Variants in PIP4K2B observed in about 807,000 individuals in gnomAD.
PIP4K2B encodes phosphatidylinositol-5-phosphate 4-kinase type 2 beta, also known as phosphatidylinositol 5-phosphate 4-kinase type-2 beta.
PIP4K2B carries 3 observed loss-of-function variants against 42.0 expected under a neutral mutation model. The observed-to-expected ratio is 0.07, with a 90% CI of 0.03 to 0.18. The LOEUF is 0.18. Ranked by LOEUF, PIP4K2B falls within the 10% of genes least tolerant of loss-of-function variation. PIP4K2B has a pLI of 1.00. For missense variants in PIP4K2B, 332 were observed against 562.3 expected (o/e 0.59, Z 4.14); for synonymous variants, 204 against 210.1 (o/e 0.97, Z 0.25).
intron 1 of PIP4K2B, among the ~76,000 whole-genome samples, chr17:38,797,352 T>C (rs1412457311): frequency 6.6e-6 from 1 of 152,104 alleles, no homozygotes; most frequent in East Asian, 1.9e-4. Flanking sequence ...GGACCTGACA[T>C]GCATAGGCGT....
In PIP4K2B at chr17:38,780,446, C is replaced by G; in HGVS notation, c.507+6G>C. 6.2e-7 allele frequency: 1 copy of G among 1,608,244 alleles called. No homozygotes were observed. Among genetic ancestry groups the G allele is most frequent in the Non-Finnish European group, 8.5e-7 (1 of 1,175,572 alleles). ...CTCTGCAGCCCAGGCTTGGGACTCA[C>G]CATACCTGGTGGTATTTCTTTAAGA... On this transcript the variant is annotated splice_donor_region_variant and intron_variant, in intron 4 of 9. Coordinates refer to ENST00000619039, the MANE Select transcript of PIP4K2B (RefSeq NM_003559.5).
chr17:38,771,004 T>A lies in PIP4K2B; in HGVS notation c.1066+10A>T. On this transcript the variant is annotated intron_variant, in intron 8 of 9. Transcript: ENST00000619039. ...AGGGCTGTGCAGAGCAGGCGCAGGC[T>A]CTGACTTACTTTCATGGCTTTTCAT... 6.2e-7 allele frequency: 1 copy of A among 1,614,050 alleles called. No individual in the cohort carries two copies.
intron 5 of PIP4K2B, 110 bp from the exon 6 acceptor site, chr17:38,778,482 AG>A: frequency 1.1e-6 from 1 of 908,798 alleles, no homozygotes; most frequent in South Asian, 1.3e-5. Flanking sequence ...AGAGTCCTAG[AG>A]GGGCCAGGAG....
intron 9 of PIP4K2B, 21 bp downstream of exon 9, chr17:38,770,415 A>G (rs1269975784): frequency 1.3e-6 from 2 of 1,505,300 alleles, no homozygotes; most frequent in Admixed American, 1.7e-5. Flanking sequence ...TGGGCCCTGG[A>G]TGAAGATGGA....
chr17:38,792,551 C>T (rs1272932498), intron 1 of PIP4K2B, among the ~76,000 whole-genome samples: 2 of 152,232 alleles, frequency 1.3e-5, no homozygotes, highest in Admixed American at 6.5e-5. Flanking sequence ...CAGAAGCCTC[C>T]ACTTCCCTGT....
intron 3 of PIP4K2B, among the ~76,000 whole-genome samples, chr17:38,781,827 T>C (rs228297): frequency 0.95 from 142,494 of 150,740 alleles, 67,394 homozygotes; most frequent in East Asian, 1. Flanking sequence ...TTTTTTTTTT[T>C]TTTTAAAGAT....
At chr17:38,791,495 C>A (rs914664657) in intron 1 of PIP4K2B, among the ~76,000 whole-genome samples, 49 of 145,170 alleles carry the variant, frequency 3.4e-4, no homozygotes, top group Non-Finnish European at 5.9e-5. Context: ...CCGCAACTTC[C>A]GCCTCCCGGG....
chr17:38,793,861 G>C (rs1370011187), intron 1 of PIP4K2B, among the ~76,000 whole-genome samples: 1 of 150,420 alleles, frequency 6.6e-6, no homozygotes, highest in Non-Finnish European at 1.5e-5. Flanking sequence ...AAGAGCGCGA[G>C]ACCCTGCCTC....
chr17:38,793,991 A>G (rs1483314126), intron 1 of PIP4K2B, among the ~76,000 whole-genome samples: 1 of 152,192 alleles, frequency 6.6e-6, no homozygotes, highest in Admixed American at 6.5e-5. Context: ...CTCACACCAT[A>G]CCCAAAAGTG....
chr17:38,798,169 A>G (rs1029752186), intron 1 of PIP4K2B, among the ~76,000 whole-genome samples: 19 of 152,232 alleles, frequency 1.2e-4, no homozygotes, highest in African/African-American at 3.9e-4. Flanking sequence ...AGCACTCACA[A>G]GTGAACCTAA....
rs1271398650 is a variant in PIP4K2B at position 38,769,023 on chromosome 17, T to C, written c.*668A>G. 6.5e-6 allele frequency: 1 copy of C among 152,692 alleles called. No individual in the cohort carries two copies. Among genetic ancestry groups the C allele is most frequent in the Non-Finnish European group, 1.5e-5 (1 of 68,102 alleles). 9.5% of individuals were successfully genotyped at this position (152,692 alleles called of 1,614,324 possible). A position where few individuals can be genotyped will look rare whatever the true frequency, so the allele number is the denominator to read the frequency against. ...GATTCTGATCTGAGATCTCTGGTGT[T>C]GACCTGGTGTATTCCAGACAGGATG... On this transcript the variant is annotated 3_prime_UTR_variant, in exon 10 of 10. Coordinates refer to ENST00000619039, the MANE Select transcript of PIP4K2B (RefSeq NM_003559.5).
In PIP4K2B at chr17:38,799,483, A is replaced by AGC; in HGVS notation, c.-61_-60dup. The AGC allele has an allele frequency of 6.7e-7, 1 of 1,485,040 alleles. No individual in the cohort carries two copies. Among genetic ancestry groups the AGC allele is most frequent in the East Asian group, 2.6e-5 (1 of 38,558 alleles). The allele number at this position is 1,485,040 out of a possible 1,614,324, so 92.0% of individuals were successfully genotyped here. On this transcript the variant is annotated 5_prime_UTR_variant, in exon 1 of 10. Transcript: ENST00000619039. This position sits in a 1 kb window ranked among gnomAD's most constrained non-coding sequence, Gnocchi z 4.4. Reference sequence around the variant, plus strand: ...GGGCGGCGGAGACAGCGCACAAGCCAGCGGCCTCAGGCCTCCCCCGGACCG... The same window carrying AGC: ...GGGCGGCGGAGACAGCGCACAAGCCAGCGCGGCCTCAGGCCTCCCCCGGACCG...
At chr17:38,782,714 G>C (rs1343602718) in intron 3 of PIP4K2B, among the ~76,000 whole-genome samples, 2 of 152,162 alleles carry the variant, frequency 1.3e-5, no homozygotes, top group Admixed American at 6.5e-5. Context: ...GGAGGAGAGA[G>C]GGGAGGAGAC....
rs181318551 is a variant in PIP4K2B, at chr17:38,799,255, G to A, written c.159+11C>T. The A allele has an allele frequency of 5.1e-6, 8 of 1,583,812 alleles. No homozygotes were observed. In the African/African-American group the frequency reaches 6.9e-5, roughly 14 times the overall value. ...GGGCCGCGCTCAGAGGGGCGCGCAG[G>A]AGCTGGTTACCGTGTGGTTCACCCC... On this transcript the variant is annotated intron_variant, in intron 1 of 9. Coordinates refer to ENST00000619039, the MANE Select transcript of PIP4K2B (RefSeq NM_003559.5). This position sits in a 1 kb window ranked among gnomAD's most constrained non-coding sequence, Gnocchi z 4.4.
Position 38,766,220 on chromosome 17 carries a change from T to C in PIP4K2B, c.*3471A>G, listed in dbSNP as rs547249009. On this transcript the variant is annotated 3_prime_UTR_variant, in exon 10 of 10. Coordinates refer to ENST00000619039, the MANE Select transcript of PIP4K2B (RefSeq NM_003559.5). ...TTGGGGAACAGTTGTCTGAATGGGTTTTCCCTTTCAGGACCTCCTGCCCGC... is the reference window on the plus strand; with the variant it reads ...TTGGGGAACAGTTGTCTGAATGGGTCTTCCCTTTCAGGACCTCCTGCCCGC... The C allele has an allele frequency of 6.6e-6, 1 of 152,406 alleles. No homozygotes were observed. The highest frequency in any genetic ancestry group is 1.5e-5 in the Non-Finnish European group (1 of 68,074). 9.4% of individuals were successfully genotyped at this position (152,406 alleles called of 1,614,324 possible).
rs73295154 is a variant in PIP4K2B, at chr17:38,797,860, T to C, written c.159+1406A>G. Among the ~76,000 whole-genome samples, 566 of 152,122 alleles carry C rather than the reference T, an allele frequency of 3.7e-3. 5 individuals are homozygous for C. Among genetic ancestry groups the C allele is most frequent in the African/African-American group, 0.013 (528 of 41,482 alleles). On this transcript the variant is annotated intron_variant, in intron 1 of 9. Coordinates refer to ENST00000619039, the MANE Select transcript of PIP4K2B (RefSeq NM_003559.5). Reference sequence around the variant, plus strand: ...AGACCGAGTAACAAACTGGGCTGGATTGTTGGCCCGAAGCAGCTCCTAGAG... The same window carrying C: ...AGACCGAGTAACAAACTGGGCTGGACTGTTGGCCCGAAGCAGCTCCTAGAG...
At chr17:38,778,497 G>C in intron 5 of PIP4K2B, 125 bp from the exon 6 acceptor site, 1 of 839,534 alleles carries the variant, frequency 1.2e-6, no homozygotes, top group Non-Finnish European at 2.1e-6. Context: ...CCAGGAGGCA[G>C]CACCTTGTTC....
chr17:38,794,238 T>C (rs1201700252), intron 1 of PIP4K2B, among the ~76,000 whole-genome samples: 1 of 152,036 alleles, frequency 6.6e-6, no homozygotes. Context: ...AAAACATATA[T>C]TGCATGATTC....
rs1419904621 is a variant in PIP4K2B at position 38,799,456 on chromosome 17, G to T, written c.-32C>A. On this transcript the variant is annotated 5_prime_UTR_variant, in exon 1 of 10. Transcript: ENST00000619039. This position sits in a 1 kb window ranked among gnomAD's most constrained non-coding sequence, Gnocchi z 4.4. ...GGCGGCGGCGGCGGCGGCGAAAGAG[G>T]GGGGCGGCGGAGACAGCGCACAAGC... 3 of 1,537,506 alleles carry T rather than the reference G, an allele frequency of 2.0e-6. No homozygotes were observed. Among genetic ancestry groups the T allele is most frequent in the Non-Finnish European group, 2.6e-6 (3 of 1,150,294 alleles).
Sources: allele counts gnomAD v4.1 joint callset (sites outside exome capture counted in the v4.1 genomes callset), GRCh38; gene constraint gnomAD v4.1.1; non-coding constraint Gnocchi (gnomAD v3.1); transcripts MANE v1.5; gene names NCBI Gene and HGNC (gene_info 2026-07-23, HGNC 2026-07-21).